The following ERBB4 variants were observed in gnomAD, a reference collection of about 807,000 sequenced individuals.
The protein encoded by ERBB4 is erb-b2 receptor tyrosine kinase 4, also known as receptor tyrosine-protein kinase erbB-4.
ERBB4 carries 42 observed loss-of-function variants against 158.0 expected under a neutral mutation model. The ratio of observed to expected loss-of-function variants is 0.27; its 90% CI spans 0.21 to 0.34. The LOEUF (loss-of-function observed/expected upper bound fraction) is 0.34, where lower values mean the gene tolerates loss of function less well. Among genes scored for constraint, ERBB4 ranks in the 10% least tolerant of loss-of-function variants. The probability of loss-of-function intolerance (pLI) is 1.00; values close to 1 mark genes in which losing one functional copy is unlikely to be tolerated. For missense variants in ERBB4, 1,333 were observed against 1,624.1 expected (o/e 0.82, Z 3.08); for synonymous variants, 583 against 558.7 (o/e 1.04, Z -0.61).
At chr2:211,656,536 T>A (rs979480078) in intron 16 of ERBB4, among the ~76,000 whole-genome samples, 1 of 152,210 alleles carries the variant, frequency 6.6e-6, no homozygotes, top group Non-Finnish European at 1.5e-5. Flanking sequence ...AGTTCTATAA[T>A]TTTTGATAAG....
At chr2:212,158,113 T>A (rs2081095852) in intron 1 of ERBB4, among the ~76,000 whole-genome samples, 1 of 152,158 alleles carries the variant, frequency 6.6e-6, no homozygotes, top group Non-Finnish European at 1.5e-5. Context: ...TCTCACTGAA[T>A]CCTTTGAACA....
At chr2:212,053,026 A>G (rs1559393575) in intron 2 of ERBB4, among the ~76,000 whole-genome samples, 1 of 152,086 alleles carries the variant, frequency 6.6e-6, no homozygotes, top group Non-Finnish European at 1.5e-5. Context: ...GCTTTTCTCC[A>G]ACAGTATACA....
intron 2 of ERBB4, among the ~76,000 whole-genome samples, chr2:212,104,184 A>G (rs1468173538): frequency 6.6e-6 from 1 of 152,008 alleles, no homozygotes; most frequent in Non-Finnish European, 1.5e-5. Context: ...TCATATAATA[A>G]TAATTTGATT....
At chr2:211,871,527 T>A (rs1215497957) in intron 3 of ERBB4, among the ~76,000 whole-genome samples, 1 of 151,004 alleles carries the variant, frequency 6.6e-6, no homozygotes, top group South Asian at 2.1e-4. Flanking sequence ...AAAAACCCTC[T>A]AGTCATGGGT....
At chr2:212,330,203 G>T (rs1256242988) in intron 1 of ERBB4, among the ~76,000 whole-genome samples, 1 of 142,480 alleles carries the variant, frequency 7.0e-6, no homozygotes, top group Non-Finnish European at 1.5e-5. Context: ...AAAAATGAGG[G>T]GTTGTGCTGT....
chr2:212,001,007 A>C (rs1283902519), intron 2 of ERBB4, among the ~76,000 whole-genome samples: 1 of 152,052 alleles, frequency 6.6e-6, no homozygotes, highest in East Asian at 1.9e-4. Context: ...TAAATGTTAC[A>C]AACACTTAGA....
chr2:211,498,002 A>T (rs1312113936), intron 20 of ERBB4, among the ~76,000 whole-genome samples: 1 of 152,110 alleles, frequency 6.6e-6, no homozygotes, highest in Non-Finnish European at 1.5e-5. Flanking sequence ...CCAATAGTTC[A>T]TCCATGGGTC....
rs2079086748 is a variant in ERBB4, at chr2:211,895,930, C to CAACGACCA, written c.421+51499_421+51500insTGGTCGTT. Among the ~76,000 whole-genome samples, 6 of 152,280 alleles carry CAACGACCA rather than the reference C, an allele frequency of 3.9e-5. 1 individual carries two copies. In the South Asian group the frequency reaches 6.2e-4, roughly 16 times the overall value. On this transcript the variant is annotated intron_variant, in intron 3 of 27. Coordinates refer to ENST00000342788, the MANE Select transcript of ERBB4 (RefSeq NM_005235.3). ...GAACAGTTGTTCAGTCTTCACTGCA[C>CAACGACCA]TGGCTTCGTTCCAGTTTCTTGGTCT...
At chr2:211,661,421 G>T (rs1389400390) in intron 15 of ERBB4, among the ~76,000 whole-genome samples, 1 of 151,950 alleles carries the variant, frequency 6.6e-6, no homozygotes, top group African/African-American at 2.4e-5. Context: ...TTTCAAAGTG[G>T]AATACTTATA....
chr2:211,972,562 C>G (rs1229393445), intron 2 of ERBB4, among the ~76,000 whole-genome samples: 1 of 151,992 alleles, frequency 6.6e-6, no homozygotes, highest in Non-Finnish European at 1.5e-5. Context: ...GACACATAGA[C>G]AAATAGAGAA....
chr2:212,052,343 G>C (rs2077423099), intron 2 of ERBB4, among the ~76,000 whole-genome samples: 1 of 152,172 alleles, frequency 6.6e-6, no homozygotes, highest in African/African-American at 2.4e-5. Context: ...CCCTACTTTT[G>C]AGATTTTGGG....
intron 3 of ERBB4, among the ~76,000 whole-genome samples, chr2:211,832,283 T>C (rs544898824): frequency 6.6e-6 from 1 of 152,262 alleles, no homozygotes; most frequent in South Asian, 2.1e-4. Context: ...TGCATATGCC[T>C]GAGTATTCTG....
At chr2:211,424,053 T>C in intron 23 of ERBB4, 102 bp downstream of exon 23, 3 of 1,162,100 alleles carry the variant, frequency 2.6e-6, no homozygotes, top group South Asian at 1.2e-5. Context: ...GTTTTTGAAC[T>C]GTCGTATTTT....
At chr2:211,997,909 T>A (rs1575492186) in intron 2 of ERBB4, among the ~76,000 whole-genome samples, 6 of 150,452 alleles carry the variant, frequency 4.0e-5, no homozygotes, top group Non-Finnish European at 7.4e-5. Context: ...CACACACACA[T>A]CACACACACA....
At chr2:211,734,018 G>A (rs2074518687) in intron 5 of ERBB4, among the ~76,000 whole-genome samples, 1 of 151,574 alleles carries the variant, frequency 6.6e-6, no homozygotes, top group African/African-American at 2.4e-5. Context: ...CTCCAGCCTG[G>A]GCCATGCAGC....
chr2:211,695,120 C>T (rs1354354501), intron 12 of ERBB4, among the ~76,000 whole-genome samples: 1 of 152,006 alleles, frequency 6.6e-6, no homozygotes, highest in Admixed American at 6.6e-5. Context: ...ACAAATAAAA[C>T]AATATATTAA....
intron 18 of ERBB4, among the ~76,000 whole-genome samples, chr2:211,623,008 T>TAC (rs2069683479): frequency 1.7e-4 from 6 of 35,936 alleles, no homozygotes; most frequent in African/African-American, 1.2e-3. Flanking sequence ...TATATATATA[T>TAC]ATATATATAT....
intron 16 of ERBB4, among the ~76,000 whole-genome samples, chr2:211,639,805 T>G (rs2070504068): frequency 6.6e-6 from 1 of 151,944 alleles, no homozygotes; most frequent in Non-Finnish European, 1.5e-5. Flanking sequence ...CACTGCAACC[T>G]CCACCTCCGG....
Position 212,162,934 on chromosome 2 carries a change from T to C in ERBB4, c.83-38031A>G, listed in dbSNP as rs77412166. Reference sequence around the variant, plus strand: ...AGCAGCTCTTAAGTAGTTCTCTTGGTCTTCTCAAAAGATTTCTTTTTGTGT... The same window carrying C: ...AGCAGCTCTTAAGTAGTTCTCTTGGCCTTCTCAAAAGATTTCTTTTTGTGT... On this transcript the variant is annotated intron_variant, in intron 1 of 27. Transcript: ENST00000342788. Among the ~76,000 whole-genome samples, 1,251 of 152,064 alleles carry C rather than the reference T, an allele frequency of 8.2e-3. 14 individuals are homozygous for C. The highest frequency in any genetic ancestry group is 0.028 in the African/African-American group (1,153 of 41,538).
Sources: gnomAD v4.1 joint callset for allele counts (sites outside exome capture counted in the v4.1 genomes callset) on GRCh38, gnomAD v4.1.1 for gene constraint, MANE v1.5 for transcripts, NCBI Gene and HGNC (gene_info 2026-07-23, HGNC 2026-07-21) for gene names.